The following APP variants were observed in gnomAD, a reference collection of about 807,000 sequenced individuals.
APP encodes the protein amyloid-beta precursor protein.
APP carries 31 observed loss-of-function variants against 101.4 expected under a neutral mutation model. The ratio of observed to expected loss-of-function variants is 0.31; its 90% CI spans 0.23 to 0.41. APP has a LOEUF of 0.41. APP is among the 10% of genes least tolerant of loss of function. APP has a pLI of 1.00. For missense variants in APP, 839 were observed against 1,003.7 expected (o/e 0.84, Z 2.22); for synonymous variants, 366 against 364.4 (o/e 1.00, Z -0.05).
At chr21:26,163,061 C>G (rs1310762621) in intron 1 of APP, among the ~76,000 whole-genome samples, 1 of 115,182 alleles carries the variant, frequency 8.7e-6, no homozygotes, top group Non-Finnish European at 1.8e-5. Context: ...AACCCTGTCT[C>G]TACTAAAAAA....
At chr21:25,931,007 C>G (rs2040123042) in intron 13 of APP, among the ~76,000 whole-genome samples, 1 of 152,162 alleles carries the variant, frequency 6.6e-6, no homozygotes, top group Non-Finnish European at 1.5e-5. Context: ...AATCTGCAAC[C>G]AAGAAAATCA....
rs200857049 is a variant in APP at position 26,053,258 on chromosome 21, T to C, written c.446A>G (p.His149Arg). 1 of 1,613,562 alleles carries C rather than the reference T, an allele frequency of 6.2e-7. No homozygotes were observed. Among genetic ancestry groups the C allele is most frequent in the Non-Finnish European group, 8.5e-7 (1 of 1,179,524 alleles). Reference protein sequence around the residue: ...ERMDVCETHLHWHTVAKETCS... With the variant: ...ERMDVCETHLRWHTVAKETCS... ...TACCTCTTTGGCGACGGTGTGCCAG[T>C]GAAGATGAGTTTCGCAAACATCCAT... The change falls in exon 4 of 18, where the codon CAC becomes CGC. Residue 149 changes from histidine (H) to arginine (R), a missense_variant. Physicochemically the swap from His to Arg is conservative, Grantham distance 29 (BLOSUM62 0). Transcript: ENST00000346798.
At chr21:25,917,797 C>T (rs568891892) in intron 13 of APP, among the ~76,000 whole-genome samples, 1 of 151,760 alleles carries the variant, frequency 6.6e-6, no homozygotes, top group Non-Finnish European at 1.5e-5. Context: ...TATCCAGAAT[C>T]TACAAGGAAC....
intron 7 of APP, among the ~76,000 whole-genome samples, chr21:25,998,791 C>CAAATAAAT (rs3084256): frequency 0.031 from 4,760 of 151,728 alleles, 96 homozygotes; most frequent in African/African-American, 0.051. Flanking sequence ...ACAACAACAA[C>CAAATAAAT]AAATAAATAA....
intron 2 of APP, among the ~76,000 whole-genome samples, chr21:26,095,347 A>C (rs2061918734): frequency 1.3e-5 from 2 of 152,204 alleles, no homozygotes; most frequent in African/African-American, 2.4e-5. Flanking sequence ...ACAGTCCAGA[A>C]AGTGAATCAT....
chr21:26,116,751 T>C (rs1357772655), intron 1 of APP, among the ~76,000 whole-genome samples: 2 of 152,242 alleles, frequency 1.3e-5, no homozygotes, highest in Non-Finnish European at 2.9e-5. Flanking sequence ...TTAAGGTTTC[T>C]GGCTAATGAA....
At chr21:25,887,703 G>T (rs562590982) in intron 17 of APP, among the ~76,000 whole-genome samples, 1 of 151,900 alleles carries the variant, frequency 6.6e-6, no homozygotes, top group Non-Finnish European at 1.5e-5. Flanking sequence ...GTTTAGATAC[G>T]CAAATCCCTG....
At chr21:26,058,397 A>C (rs1228547122) in intron 3 of APP, among the ~76,000 whole-genome samples, 1 of 152,152 alleles carries the variant, frequency 6.6e-6, no homozygotes, top group East Asian at 1.9e-4. Flanking sequence ...CACCCTGAAC[A>C]AAAAAAATCT....
rs2038166861 is a variant in APP, at chr21:25,897,667, C to G, written c.1970G>C (p.Gly657Ala). 6.2e-7 allele frequency: 1 copy of G among 1,611,590 alleles called. No individual in the cohort carries two copies. Among genetic ancestry groups the G allele is most frequent in the Non-Finnish European group, 8.5e-7 (1 of 1,177,942 alleles). ...CTCCTCCGTCTTGATATTTGTCAAC[C>G]CAGAACCTGTATTACATCATAATTA... ...DRGLTTRPGS[G>A]LTNIKTEEIS... is the part of the protein sequence containing the mutation. Residue 657 changes from glycine (G) to alanine (A), a missense_variant, in exon 16 of 18, where the codon GGG becomes GCG. By Grantham distance (60) the Gly-to-Ala change is moderately conservative. Transcript: ENST00000346798.
chr21:26,030,874 GTC>G (rs746362644), intron 5 of APP, among the ~76,000 whole-genome samples: 3 of 152,206 alleles, frequency 2.0e-5, no homozygotes, highest in Non-Finnish European at 2.9e-5. Flanking sequence ...ACCTTTGGCT[GTC>G]TAACAAATAT....
chr21:26,075,879 T>A (rs1601398417), intron 3 of APP, among the ~76,000 whole-genome samples: 1 of 152,232 alleles, frequency 6.6e-6, no homozygotes, highest in South Asian at 2.1e-4. Flanking sequence ...TCCCCATGAA[T>A]ATATTTATTT....
chr21:26,111,087 T>TAAAAAA (rs576900084), intron 2 of APP, among the ~76,000 whole-genome samples: 141 of 88,346 alleles, frequency 1.6e-3, no homozygotes, highest in African/African-American at 2.7e-3. Flanking sequence ...AAAGTTAAGT[T>TAAAAAA]AAAAAAAAAA....
At chr21:26,123,205 T>C (rs2062612207) in intron 1 of APP, among the ~76,000 whole-genome samples, 1 of 152,218 alleles carries the variant, frequency 6.6e-6, no homozygotes, top group Admixed American at 6.5e-5. Flanking sequence ...TTATTTCCTT[T>C]CAAAGTGTCA....
At chr21:26,025,747 G>A (rs1011081001) in intron 5 of APP, among the ~76,000 whole-genome samples, 6 of 152,176 alleles carry the variant, frequency 3.9e-5, no homozygotes, top group Non-Finnish European at 8.8e-5. Context: ...ACGGAGACAC[G>A]TAATAAATAG....
At chr21:25,905,739 T>C (rs1478458691) in intron 14 of APP, among the ~76,000 whole-genome samples, 1 of 152,218 alleles carries the variant, frequency 6.6e-6, no homozygotes, top group Non-Finnish European at 1.5e-5. Context: ...ATATTTGCCA[T>C]TGTTCACAAT....
intron 11 of APP, among the ~76,000 whole-genome samples, chr21:25,964,598 T>C (rs911297708): frequency 3.4e-5 from 5 of 146,606 alleles, no homozygotes; most frequent in African/African-American, 5.0e-5. Context: ...AGTGACCTTT[T>C]TTCTTTTCTT....
chr21:25,991,751 C>T (rs1423966771), intron 8 of APP, among the ~76,000 whole-genome samples: 2 of 152,224 alleles, frequency 1.3e-5, no homozygotes, highest in African/African-American at 4.8e-5. Context: ...TCTATTGTTG[C>T]TTTCATGCTA....
chr21:25,962,193 C>T (rs537155642), intron 11 of APP, among the ~76,000 whole-genome samples: 2 of 152,108 alleles, frequency 1.3e-5, no homozygotes, highest in African/African-American at 4.8e-5. Flanking sequence ...TTAATTTGTA[C>T]TAAACTCACC....
rs1206195219 is a variant in APP at position 25,887,538 on chromosome 21, A to AAAC, written c.2211+4181_2211+4183dup. Among the ~76,000 whole-genome samples the AAAC allele has an allele frequency of 4.7e-4, 69 of 145,568 alleles. 5 individuals are homozygous for AAAC. The highest frequency in any genetic ancestry group is 5.6e-4 in the African/African-American group (22 of 39,358). On this transcript the variant is annotated intron_variant, in intron 17 of 17. Coordinates refer to ENST00000346798, the MANE Select transcript of APP (RefSeq NM_000484.4). Reference sequence around the variant, plus strand: ...ATTTGAAAAAAAAAAAAAAAAAAAAAAACAACAACTAGCAAGTGCTCATTT... The same window carrying AAAC: ...ATTTGAAAAAAAAAAAAAAAAAAAAAAACAACAACAACTAGCAAGTGCTCATTT...
Sources: allele counts gnomAD v4.1 joint callset (sites outside exome capture counted in the v4.1 genomes callset), GRCh38; gene constraint gnomAD v4.1.1; transcripts MANE v1.5; gene names NCBI Gene and HGNC (gene_info 2026-07-23, HGNC 2026-07-21).